PDS5B: variants seen among roughly 807,000 people sequenced by gnomAD.
PDS5B encodes PDS5 cohesin associated factor B.
PDS5B carries 51 observed loss-of-function variants against 184.1 expected under a neutral mutation model. The ratio of observed to expected loss-of-function variants is 0.28; its 90% CI spans 0.22 to 0.35. The LOEUF is 0.35. Ranked by LOEUF, PDS5B falls within the 10% of genes least tolerant of loss-of-function variation. The pLI, the probability that PDS5B is intolerant of heterozygous loss-of-function variation, is 1.00. For synonymous variants in PDS5B, 566 were observed against 569.2 expected (o/e 0.99, Z 0.08); for missense variants, 1,180 against 1,723.3 (o/e 0.68, Z 5.58).
intron 17 of PDS5B, among the ~76,000 whole-genome samples, chr13:32,702,302 C>T (rs1349997251): frequency 2.0e-5 from 3 of 152,044 alleles, no homozygotes; most frequent in Admixed American, 1.3e-4. Context: ...CCTCTTGTAT[C>T]GGTTTTCATT....
intron 19 of PDS5B, among the ~76,000 whole-genome samples, chr13:32,725,501 G>T (rs933447454): frequency 6.6e-6 from 1 of 151,952 alleles, no homozygotes; most frequent in African/African-American, 2.4e-5. Context: ...ATTCTCCGAG[G>T]GGCTCTGGTT....
At chr13:32,716,841 T>TGG (rs572137924) in intron 19 of PDS5B, among the ~76,000 whole-genome samples, 30 of 83,820 alleles carry the variant, frequency 3.6e-4, no homozygotes, top group African/African-American at 9.8e-4. Context: ...GGGAGGGAGG[T>TGG]TGGGGGGTCA....
chr13:32,654,178 T>A (rs1351640391), intron 3 of PDS5B, among the ~76,000 whole-genome samples: 1 of 152,172 alleles, frequency 6.6e-6, no homozygotes, highest in Non-Finnish European at 1.5e-5. Context: ...TGAGGGTGCT[T>A]TCTAAATATT....
intron 23 of PDS5B, among the ~76,000 whole-genome samples, chr13:32,745,548 A>G (rs912292957): frequency 6.6e-6 from 1 of 152,222 alleles, no homozygotes; most frequent in African/African-American, 2.4e-5. Context: ...GTAATAAAAT[A>G]CCAGGCTTAT....
intron 30 of PDS5B, among the ~76,000 whole-genome samples, chr13:32,762,667 A>T (rs971129688): frequency 2.6e-5 from 4 of 151,590 alleles, no homozygotes; most frequent in Non-Finnish European, 4.4e-5. Flanking sequence ...ATTGTGTTTG[A>T]CTCTTCCCCC....
chr13:32,728,888 T>C (rs1278525975), intron 19 of PDS5B, among the ~76,000 whole-genome samples: 1 of 152,088 alleles, frequency 6.6e-6, no homozygotes, highest in Non-Finnish European at 1.5e-5. Flanking sequence ...TGTGTGAAGG[T>C]AAACAGTTTT....
At chr13:32,629,290 T>G (rs2058419994) in intron 1 of PDS5B, among the ~76,000 whole-genome samples, 1 of 152,168 alleles carries the variant, frequency 6.6e-6, no homozygotes, top group Non-Finnish European at 1.5e-5. Flanking sequence ...CTTTTTTTTC[T>G]AGGTCAAACC....
intron 26 of PDS5B, among the ~76,000 whole-genome samples, chr13:32,756,415 C>T (rs1954181917): frequency 1.3e-5 from 2 of 152,100 alleles, no homozygotes; most frequent in South Asian, 4.1e-4. Flanking sequence ...GGGAACTACT[C>T]CTACTTATTA....
chr13:32,664,108 C>T (rs1950722460), intron 6 of PDS5B, among the ~76,000 whole-genome samples: 1 of 152,136 alleles, frequency 6.6e-6, no homozygotes, highest in Non-Finnish European at 1.5e-5. Flanking sequence ...TTTTCTTTAT[C>T]CACTCATCAG....
At chr13:32,630,270 G>A (rs909925083) in intron 1 of PDS5B, among the ~76,000 whole-genome samples, 2 of 152,174 alleles carry the variant, frequency 1.3e-5, no homozygotes, top group African/African-American at 2.4e-5. Flanking sequence ...GGTTTCCTAT[G>A]TGGAATCTGA....
intron 17 of PDS5B, among the ~76,000 whole-genome samples, chr13:32,705,371 A>G (rs1431270896): frequency 6.6e-6 from 1 of 152,212 alleles, no homozygotes; most frequent in Non-Finnish European, 1.5e-5. Flanking sequence ...ATAAGAGAAT[A>G]AGCTGATTAG....
chr13:32,655,087 C>CT (rs1040235028), intron 3 of PDS5B, among the ~76,000 whole-genome samples: 25 of 151,876 alleles, frequency 1.6e-4, no homozygotes, highest in African/African-American at 6.0e-4. Context: ...GTTTTCAGTT[C>CT]TTTGAGAAAT....
intron 1 of PDS5B, among the ~76,000 whole-genome samples, chr13:32,621,295 C>T (rs1295233105): frequency 6.6e-6 from 1 of 152,038 alleles, no homozygotes; most frequent in African/African-American, 2.4e-5. Flanking sequence ...AAAATTTTGT[C>T]CCTACAAAAA....
At chr13:32,723,706 T>G (rs1053633851) in intron 19 of PDS5B, among the ~76,000 whole-genome samples, 1 of 152,210 alleles carries the variant, frequency 6.6e-6, no homozygotes, top group Non-Finnish European at 1.5e-5. Context: ...GGGGAAAGAT[T>G]ATAGGTGTTT....
intron 1 of PDS5B, among the ~76,000 whole-genome samples, chr13:32,619,229 G>A (rs2058261093): frequency 6.6e-6 from 1 of 152,152 alleles, no homozygotes; most frequent in South Asian, 2.1e-4. Flanking sequence ...TATAGACATA[G>A]TAGAGTTACA....
chr13:32,608,964 T>C (rs535902998), intron 1 of PDS5B, among the ~76,000 whole-genome samples: 2 of 152,336 alleles, frequency 1.3e-5, no homozygotes, highest in South Asian at 2.1e-4. Context: ...GAAATTTCTT[T>C]TGAGGCGAAC....
At chr13:32,728,284 T>G (rs1017578827) in intron 19 of PDS5B, among the ~76,000 whole-genome samples, 7 of 152,180 alleles carry the variant, frequency 4.6e-5, no homozygotes, top group African/African-American at 1.7e-4. Context: ...CTATCACTTA[T>G]GTCATTTTTG....
chr13:32,738,740 CG>C (rs368576234), intron 21 of PDS5B, among the ~76,000 whole-genome samples: 2 of 152,028 alleles, frequency 1.3e-5, no homozygotes, highest in African/African-American at 4.8e-5. Flanking sequence ...GGCGCCATCT[CG>C]GCTCCCTGCA....
chr13:32,670,009 A>G (rs1950892247), intron 7 of PDS5B, among the ~76,000 whole-genome samples: 1 of 152,190 alleles, frequency 6.6e-6, no homozygotes, highest in Non-Finnish European at 1.5e-5. Context: ...CAGTTAAAAC[A>G]GCTATTATTT....
Sources: gnomAD v4.1 joint callset for allele counts (sites outside exome capture counted in the v4.1 genomes callset) on GRCh38, gnomAD v4.1.1 for gene constraint, MANE v1.5 for transcripts, NCBI Gene and HGNC (gene_info 2026-07-23, HGNC 2026-07-21) for gene names.